The following ME3 variants were observed in gnomAD, a reference collection of about 807,000 sequenced individuals.
The protein encoded by ME3 is NADP-dependent malic enzyme, mitochondrial.
Under a neutral mutation model 68.9 loss-of-function variants are expected in ME3, and 48 were observed. The ratio of observed to expected loss-of-function variants is 0.70; its 90% CI spans 0.55 to 0.89. The LOEUF is 0.89. Ranked by LOEUF, ME3 falls within the 40% of genes least tolerant of loss-of-function variation. The probability of loss-of-function intolerance (pLI) is 0.00; values close to 1 mark genes in which losing one functional copy is unlikely to be tolerated. For missense variants in ME3, 675 were observed against 797.4 expected (o/e 0.85, Z 1.85); for synonymous variants, 320 against 318.8 (o/e 1.00, Z -0.04).
chr11:86,635,506 C>G (rs1944278035), intron 2 of ME3, among the ~76,000 whole-genome samples: 1 of 152,220 alleles, frequency 6.6e-6, no homozygotes. Context: ...TGGAAACTAA[C>G]TTACTCTCCA....
At chr11:86,481,973 A>G (rs1414837756) in intron 7 of ME3, among the ~76,000 whole-genome samples, 1 of 152,194 alleles carries the variant, frequency 6.6e-6, no homozygotes, top group Non-Finnish European at 1.5e-5. Context: ...TGGCACAAGG[A>G]ATGAAACCTT....
At chr11:86,519,064 A>C (rs942967193) in intron 4 of ME3, among the ~76,000 whole-genome samples, 1 of 152,216 alleles carries the variant, frequency 6.6e-6, no homozygotes, top group African/African-American at 2.4e-5. Context: ...GTTTTAAGCC[A>C]TCCAATTTGT....
At chr11:86,565,487 T>A (rs1957437132) in intron 2 of ME3, among the ~76,000 whole-genome samples, 1 of 152,190 alleles carries the variant, frequency 6.6e-6, no homozygotes, top group African/African-American at 2.4e-5. Context: ...CAGGTGTTCA[T>A]CAACATATGA....
intron 2 of ME3, among the ~76,000 whole-genome samples, chr11:86,637,349 C>CAAAAAAAAAAAAAAAAAA (rs11402713): frequency 1.6e-5 from 2 of 122,078 alleles, no homozygotes; most frequent in Non-Finnish European, 3.4e-5. Flanking sequence ...ACAAGAAGCA[C>CAAAAAAAAAAAAAAAAAA]AAAAAAAAAA....
At chr11:86,531,404 C>G (rs1210409157) in intron 4 of ME3, among the ~76,000 whole-genome samples, 1 of 152,152 alleles carries the variant, frequency 6.6e-6, no homozygotes, top group Non-Finnish European at 1.5e-5. Context: ...GTTGGTGGGA[C>G]TGTAAACTAG....
chr11:86,550,527 A>G (rs922568792), intron 4 of ME3, among the ~76,000 whole-genome samples: 2 of 152,218 alleles, frequency 1.3e-5, no homozygotes, highest in Non-Finnish European at 2.9e-5. Flanking sequence ...CAGACCTTGT[A>G]CACAGTCTAC....
chr11:86,536,577 C>A (rs1232486393), intron 4 of ME3, among the ~76,000 whole-genome samples: 2 of 141,456 alleles, frequency 1.4e-5, no homozygotes, highest in Non-Finnish European at 3.1e-5. Context: ...AAATCAAAAC[C>A]ACAATGAGAT....
downstream of ME3, among the ~76,000 whole-genome samples, chr11:86,437,834 CAGAG>C (rs1471873749): frequency 6.8e-6 from 1 of 146,428 alleles, no homozygotes; most frequent in Non-Finnish European, 1.5e-5. Context: ...TTCCAGTAGA[CAGAG>C]AGAGAGAGAG....
At chr11:86,497,071 T>C (rs1285414969) in intron 6 of ME3, among the ~76,000 whole-genome samples, 1 of 151,158 alleles carries the variant, frequency 6.6e-6, no homozygotes, top group Non-Finnish European at 1.5e-5. Flanking sequence ...AACCTCTGCC[T>C]CCCAGGTTCT....
At chr11:86,640,404 G>T (rs1944595977) in intron 2 of ME3, among the ~76,000 whole-genome samples, 1 of 152,184 alleles carries the variant, frequency 6.6e-6, no homozygotes, top group South Asian at 2.1e-4. Context: ...AGCTGTAGCT[G>T]CACAGGGTGA....
At chr11:86,560,551 G>T (rs1000218982) in intron 2 of ME3, among the ~76,000 whole-genome samples, 5 of 151,694 alleles carry the variant, frequency 3.3e-5, no homozygotes, top group Non-Finnish European at 7.4e-5. Flanking sequence ...CCAGTGTCCC[G>T]ATTATTAACA....
chr11:86,454,776 T>G (rs554979332), intron 8 of ME3, among the ~76,000 whole-genome samples: 15 of 152,334 alleles, frequency 9.8e-5, no homozygotes, highest in African/African-American at 3.6e-4. Flanking sequence ...TAGTATACAT[T>G]TATCACACAC....
At chr11:86,494,478 G>A (rs1260788664) in intron 6 of ME3, among the ~76,000 whole-genome samples, 1 of 152,104 alleles carries the variant, frequency 6.6e-6, no homozygotes, top group African/African-American at 2.4e-5. Context: ...TGAAAATTGG[G>A]AGAATAATAT....
intron 4 of ME3, among the ~76,000 whole-genome samples, chr11:86,527,470 A>G (rs913871483): frequency 1.3e-5 from 2 of 152,240 alleles, no homozygotes; most frequent in African/African-American, 4.8e-5. Context: ...AACTTCCCCA[A>G]TCTAGTCAGG....
chr11:86,560,510 A>G (rs1035969641), intron 2 of ME3, among the ~76,000 whole-genome samples: 10 of 151,982 alleles, frequency 6.6e-5, no homozygotes, highest in African/African-American at 2.4e-4. Context: ...AAAAACTGAG[A>G]AGACAGTAGA....
At chr11:86,652,758 T>G (rs1450752040) in intron 2 of ME3, among the ~76,000 whole-genome samples, 3 of 152,066 alleles carry the variant, frequency 2.0e-5, no homozygotes, top group African/African-American at 4.8e-5. Context: ...CAACCTTAAA[T>G]GTAAATGGGC....
intron 4 of ME3, among the ~76,000 whole-genome samples, chr11:86,529,657 C>G (rs1199358292): frequency 6.6e-6 from 1 of 152,186 alleles, no homozygotes; most frequent in African/African-American, 2.4e-5. Flanking sequence ...AGCTTATCCA[C>G]CATGATCAAG....
chr11:86,526,316 G>A (rs559766882), intron 4 of ME3, among the ~76,000 whole-genome samples: 36 of 152,366 alleles, frequency 2.4e-4, no homozygotes, highest in African/African-American at 8.4e-4. Context: ...CAGCGAGGCT[G>A]GGGGAGGAAT....
At chr11:86,470,063 C>G (rs1025332449) in intron 7 of ME3, among the ~76,000 whole-genome samples, 3 of 152,066 alleles carry the variant, frequency 2.0e-5, no homozygotes, top group Non-Finnish European at 4.4e-5. Flanking sequence ...AGTGTGTGAA[C>G]CAAATGCAGA....
Sources: gnomAD v4.1 joint callset for allele counts (sites outside exome capture counted in the v4.1 genomes callset) on GRCh38, gnomAD v4.1.1 for gene constraint, MANE v1.5 for transcripts, NCBI Gene and HGNC (gene_info 2026-07-23, HGNC 2026-07-21) for gene names.